Variants in NTN1 observed in about 807,000 individuals in gnomAD.
NTN1 encodes the protein netrin-1.
In NTN1, 11 loss-of-function variants were observed where a neutral mutation model predicts 54.2. The ratio of observed to expected loss-of-function variants is 0.20; its 90% CI spans 0.13 to 0.34. The LOEUF (loss-of-function observed/expected upper bound fraction) is 0.34, where lower values mean the gene tolerates loss of function less well. NTN1 is among the 10% of genes least tolerant of loss of function. The probability of loss-of-function intolerance (pLI) is 1.00; values close to 1 mark genes in which losing one functional copy is unlikely to be tolerated. For synonymous variants in NTN1, 371 were observed against 382.0 expected, an observed-to-expected ratio of 0.97 and a Z score of 0.33; for missense variants, 740 against 893.1, an observed-to-expected ratio of 0.83 and a Z score of 2.18.
chr17:9,203,373 A>G (rs777859321), intron 5 of NTN1, among the ~76,000 whole-genome samples: 10 of 152,230 alleles, frequency 6.6e-5, no homozygotes, highest in Admixed American at 1.3e-4. Context: ...AGATAAACAG[A>G]TAAGTGGCTC....
chr17:9,155,776 A>C (rs1455723334), intron 2 of NTN1, among the ~76,000 whole-genome samples: 8 of 152,154 alleles, frequency 5.3e-5, no homozygotes, highest in Admixed American at 5.2e-4. Context: ...CAAACTCAGC[A>C]CTATGGACAT....
At chr17:9,096,537 A>AT (rs1394274838) in intron 2 of NTN1, among the ~76,000 whole-genome samples, 1 of 151,494 alleles carries the variant, frequency 6.6e-6, no homozygotes, top group African/African-American at 2.4e-5. Flanking sequence ...CACCCAACTA[A>AT]TTTTTTTGTA....
chr17:9,023,665 G>A (rs975360431), intron 2 of NTN1, among the ~76,000 whole-genome samples: 4 of 152,270 alleles, frequency 2.6e-5, no homozygotes, highest in African/African-American at 9.6e-5. Context: ...TTTGCAGATA[G>A]GTCTCCGCTA....
At chr17:9,039,684 C>T (rs2091915356) in intron 2 of NTN1, among the ~76,000 whole-genome samples, 1 of 152,140 alleles carries the variant, frequency 6.6e-6, no homozygotes, top group Non-Finnish European at 1.5e-5. Flanking sequence ...ACCATGGTGC[C>T]TTCTGTCATT....
intron 2 of NTN1, among the ~76,000 whole-genome samples, chr17:9,027,624 C>G (rs975356266): frequency 6.6e-6 from 1 of 152,074 alleles, no homozygotes; most frequent in Non-Finnish European, 1.5e-5. Flanking sequence ...GCGTGGTTCC[C>G]TGGTTGTGTT....
chr17:9,079,087 G>T (rs531653740), intron 2 of NTN1, among the ~76,000 whole-genome samples: 1 of 152,302 alleles, frequency 6.6e-6, no homozygotes, highest in South Asian at 2.1e-4. Flanking sequence ...TGGGCAGGAA[G>T]AGGGCCTGAG....
chr17:9,141,424 G>A (rs117473221), intron 2 of NTN1, among the ~76,000 whole-genome samples: 3 of 152,300 alleles, frequency 2.0e-5, no homozygotes, highest in East Asian at 1.9e-4. Flanking sequence ...CAAGCCTGCC[G>A]AGGGGCCTAG....
At chr17:9,146,967 C>T (rs563990157) in intron 2 of NTN1, among the ~76,000 whole-genome samples, 2 of 152,292 alleles carry the variant, frequency 1.3e-5, no homozygotes, top group African/African-American at 4.8e-5. Flanking sequence ...TGCTACCTCT[C>T]TGTGGAAGAT....
chr17:9,022,869 G>C lies in NTN1; in HGVS notation c.496G>C (p.Asp166His), dbSNP rs1470975750. 3 of 1,612,196 alleles carry C rather than the reference G, an allele frequency of 1.9e-6. No individual in the cohort carries two copies. The highest frequency in any genetic ancestry group is 2.5e-6 in the Non-Finnish European group (3 of 1,179,892). ...PESMAIYKSM[D>H]YGRTWVPFQF... ...GTCCATGGCCATCTACAAGTCCATG[G>C]ACTACGGGCGCACGTGGGTGCCCTT... The change falls in exon 2 of 7, where the codon GAC (aspartate) becomes CAC (histidine). Residue 166 changes from aspartate to histidine, a missense_variant. Coordinates refer to ENST00000173229, the MANE Select transcript of NTN1 (RefSeq NM_004822.3).
At chr17:9,163,951 C>T (rs552846847) in intron 3 of NTN1, among the ~76,000 whole-genome samples, 2 of 152,364 alleles carry the variant, frequency 1.3e-5, no homozygotes, top group East Asian at 3.9e-4. Flanking sequence ...GGGGTCCTGA[C>T]CTGGACTTGT....
chr17:9,084,957 T>A (rs1273158609), intron 2 of NTN1, among the ~76,000 whole-genome samples: 1 of 152,140 alleles, frequency 6.6e-6, no homozygotes, highest in Non-Finnish European at 1.5e-5. Context: ...ACCCCGTTCT[T>A]TGCAGTTTCT....
intron 2 of NTN1, among the ~76,000 whole-genome samples, chr17:9,095,127 A>G (rs1053203258): frequency 1.3e-5 from 2 of 150,448 alleles, no homozygotes; most frequent in Admixed American, 6.6e-5. Flanking sequence ...ACCTTTGTGT[A>G]TTTTTTCCAT....
intron 2 of NTN1, among the ~76,000 whole-genome samples, chr17:9,126,669 T>A (rs2092248549): frequency 1.3e-5 from 2 of 151,876 alleles, no homozygotes; most frequent in Admixed American, 1.3e-4. Flanking sequence ...TCTGGAAAAA[T>A]TAGGGCTTCG....
At position 9,165,346 on chromosome 17, in the gene NTN1, G is replaced by A. The variant is rs1477563209; in HGVS notation, c.1207+2345G>A. Among the ~76,000 whole-genome samples, 2 of 152,214 alleles carry A rather than the reference G, an allele frequency of 1.3e-5. No homozygotes were observed. The highest frequency in any genetic ancestry group is 1.3e-4 in the Admixed American group (2 of 15,278). On this transcript the variant is annotated intron_variant, in intron 3 of 6. Transcript: ENST00000173229. This position sits in a 1 kb window ranked among gnomAD's most constrained non-coding sequence, Gnocchi z 4.5. ...ACGTCAGGAAGCCACAGGGTCCCGG[G>A]AACCCGCAGGCCATTCTCCAGGGGT...
chr17:9,191,400 C>G (rs1037195054), intron 5 of NTN1, among the ~76,000 whole-genome samples: 1 of 152,138 alleles, frequency 6.6e-6, no homozygotes, highest in Admixed American at 6.5e-5. Flanking sequence ...GCGGAGGTTG[C>G]GGTGAGCCGA....
intron 2 of NTN1, among the ~76,000 whole-genome samples, chr17:9,041,137 T>C (rs1463905281): frequency 6.6e-6 from 1 of 152,244 alleles, no homozygotes; most frequent in African/African-American, 2.4e-5. Flanking sequence ...TAGATATTAA[T>C]CAAAATGATC....
chr17:9,197,135 C>G (rs1463848286), intron 5 of NTN1, among the ~76,000 whole-genome samples: 1 of 151,950 alleles, frequency 6.6e-6, no homozygotes, highest in African/African-American at 2.4e-5. Context: ...CTCTCAATAC[C>G]AGAAGGAACC....
At chr17:9,059,566 A>G (rs1404084727) in intron 2 of NTN1, among the ~76,000 whole-genome samples, 1 of 152,208 alleles carries the variant, frequency 6.6e-6, no homozygotes, top group African/African-American at 2.4e-5. Context: ...AAGAAGCCAG[A>G]CACAAAAGGG....
At position 9,209,742 on chromosome 17, in the gene NTN1, C is replaced by G. The variant is rs548078571; in HGVS notation, c.1412-11426C>G. On this transcript the variant is annotated intron_variant, in intron 5 of 6. Transcript: ENST00000173229. ...AAGAGGACCCAGTGCTTCAGTTTGC[C>G]GGTATAAAAAACTCACACCCATGCT... 2.6e-5 allele frequency among the ~76,000 whole-genome samples: 4 copies of G among 152,266 alleles called. No homozygotes were observed. The South Asian group carries it at 8.3e-4, about 32-fold the overall frequency.
Sources: gnomAD v4.1 joint callset for allele counts (sites outside exome capture counted in the v4.1 genomes callset) on GRCh38, gnomAD v4.1.1 for gene constraint, Gnocchi (gnomAD v3.1) non-coding constraint, MANE v1.5 for transcripts, NCBI Gene and HGNC (gene_info 2026-07-23, HGNC 2026-07-21) for gene names.